Variants in TNNI3K observed in about 807,000 individuals in gnomAD.
TNNI3K encodes TNNI3 interacting kinase.
A neutral mutation model predicts 114.5 loss-of-function variants in TNNI3K; 140 were observed. That is an observed-to-expected ratio of 1.22 (90% confidence interval 1.07 to 1.41). The LOEUF (loss-of-function observed/expected upper bound fraction) is 1.41, where lower values mean the gene tolerates loss of function less well. Among genes scored for constraint, TNNI3K ranks in the 40% most tolerant of loss-of-function variants. TNNI3K has a pLI of 0.00. For missense variants in TNNI3K, 1,125 were observed against 1,007.6 expected, an observed-to-expected ratio of 1.12 and a Z score of -1.58; for synonymous variants, 347 against 347.5, an observed-to-expected ratio of 1.00 and a Z score of 0.02.
At chr1:74,436,613 T>G in intron 19 of TNNI3K, 87 bp downstream of exon 19, 1 of 1,362,072 alleles carries the variant, frequency 7.3e-7, no homozygotes, top group Non-Finnish European at 9.9e-7. Context: ...AGAGCAGTTT[T>G]AATTGGAAGA....
At chr1:74,441,748 AT>A (rs1365920061) in intron 20 of TNNI3K, among the ~76,000 whole-genome samples, 1 of 152,118 alleles carries the variant, frequency 6.6e-6, no homozygotes, top group African/African-American at 2.4e-5. Flanking sequence ...GACTAGAAAT[AT>A]TGACACTTTA....
intron 5 of TNNI3K, among the ~76,000 whole-genome samples, chr1:74,287,221 T>C (rs1657387879): frequency 6.6e-6 from 1 of 152,254 alleles, no homozygotes; most frequent in African/African-American, 2.4e-5. Flanking sequence ...GCACTTTTGG[T>C]ACATCAACAA....
intron 5 of TNNI3K, among the ~76,000 whole-genome samples, chr1:74,318,478 T>G (rs1402366977): frequency 6.6e-6 from 1 of 152,160 alleles, no homozygotes; most frequent in African/African-American, 2.4e-5. Flanking sequence ...CGAATTAGAT[T>G]TTAAGAATGG....
intron 2 of TNNI3K, among the ~76,000 whole-genome samples, chr1:74,248,233 G>A (rs1654708569): frequency 6.6e-6 from 1 of 152,040 alleles, no homozygotes; most frequent in South Asian, 2.1e-4. Context: ...CGCCCACCCA[G>A]AACTCACGCT....
intron 17 of TNNI3K, among the ~76,000 whole-genome samples, chr1:74,399,583 G>A (rs375449815): frequency 4.3e-4 from 66 of 152,202 alleles, no homozygotes; most frequent in African/African-American, 1.2e-3. Context: ...GCCGGGGGGC[G>A]GGCGGTGGAC....
chr1:74,280,482 G>A (rs1656948856), intron 5 of TNNI3K, among the ~76,000 whole-genome samples: 2 of 152,170 alleles, frequency 1.3e-5, no homozygotes, highest in South Asian at 4.1e-4. Context: ...CCCACTAGTG[G>A]CACAGCATGG....
intron 23 of TNNI3K, among the ~76,000 whole-genome samples, chr1:74,521,300 A>T (rs944680907): frequency 2.6e-5 from 4 of 152,114 alleles, no homozygotes; most frequent in African/African-American, 9.7e-5. Flanking sequence ...TTGCTTCCTA[A>T]TCTATAAAAC....
chr1:74,296,229 T>A (rs1657975243), intron 5 of TNNI3K, among the ~76,000 whole-genome samples: 1 of 150,624 alleles, frequency 6.6e-6, no homozygotes, highest in African/African-American at 2.5e-5. Context: ...TGAGCGGAGA[T>A]CGCGCCACTG....
Position 74,540,307 on chromosome 1 carries a change from A to T in TNNI3K, c.2425A>T (p.Lys809Ter). The T allele has an allele frequency of 1.2e-6, 2 of 1,611,224 alleles. No individual in the cohort carries two copies. Among genetic ancestry groups the T allele is most frequent in the Non-Finnish European group, 1.7e-6 (2 of 1,178,408 alleles). Residue 809 changes from lysine to a stop codon, truncating the protein, a stop_gained, in exon 24 of 25, where the codon AAA becomes TAA. Coordinates refer to ENST00000326637, the MANE Select transcript of TNNI3K (RefSeq NM_015978.3). LOFTEE classifies it high-confidence loss of function. ...KRSLQYTPID[K>*]YGYVSDPMSS... ...AAGTCTTCAATACACACCCATTGAC[A>T]AATATGGTAAGTAGGCAGATTCTTT...
intron 4 of TNNI3K, among the ~76,000 whole-genome samples, chr1:74,268,946 T>C (rs555499177): frequency 1.3e-5 from 2 of 152,094 alleles, no homozygotes; most frequent in African/African-American, 4.8e-5. Context: ...TGCAAGATTA[T>C]ACATCTTTGA....
intron 5 of TNNI3K, 77 bp downstream of exon 5, chr1:74,271,785 A>G (rs1656369035): frequency 8.0e-7 from 1 of 1,255,312 alleles, no homozygotes; most frequent in Non-Finnish European, 1.1e-6. Context: ...GTTTTGAAAT[A>G]CTGTCTTTGA....
intron 20 of TNNI3K, among the ~76,000 whole-genome samples, chr1:74,462,376 C>A (rs1667488529): frequency 6.6e-6 from 1 of 152,134 alleles, no homozygotes; most frequent in Non-Finnish European, 1.5e-5. Flanking sequence ...AAAAGACAGG[C>A]AGCAGCAATG....
intron 5 of TNNI3K, among the ~76,000 whole-genome samples, chr1:74,288,214 A>G (rs999472958): frequency 1.3e-5 from 2 of 152,134 alleles, no homozygotes; most frequent in Admixed American, 6.5e-5. Context: ...TTCTGGGTAT[A>G]TATTCAAAAG....
intron 17 of TNNI3K, among the ~76,000 whole-genome samples, chr1:74,392,048 C>T (rs1663814067): frequency 3.5e-5 from 5 of 144,482 alleles, no homozygotes; most frequent in Admixed American, 2.2e-4. Context: ...TCACTGCAAG[C>T]TCCGCCTCCC....
intron 4 of TNNI3K, among the ~76,000 whole-genome samples, chr1:74,251,705 A>G (rs1654938376): frequency 6.6e-6 from 1 of 152,162 alleles, no homozygotes; most frequent in African/African-American, 2.4e-5. Context: ...TTTTGCTTGT[A>G]TTAGGAACCC....
At chr1:74,255,071 C>G (rs988413208) in intron 4 of TNNI3K, among the ~76,000 whole-genome samples, 2 of 152,194 alleles carry the variant, frequency 1.3e-5, no homozygotes, top group African/African-American at 4.8e-5. Flanking sequence ...TGAACTTGTT[C>G]TTTAACTGTA....
intron 21 of TNNI3K, chr1:74,471,069 C>G (rs1037699299): frequency 2.5e-6 from 1 of 400,684 alleles, no homozygotes; most frequent in Non-Finnish European, 4.4e-6. Context: ...AATGTGAGTG[C>G]CTGTGCTCAG....
intron 7 of TNNI3K, among the ~76,000 whole-genome samples, chr1:74,340,947 T>C (rs984626456): frequency 1.3e-5 from 2 of 152,210 alleles, no homozygotes; most frequent in Non-Finnish European, 2.9e-5. Context: ...TTGTTTGTAA[T>C]AACAGCCTTG....
chr1:74,399,867 T>C (rs143371769), intron 17 of TNNI3K, among the ~76,000 whole-genome samples: 2 of 152,276 alleles, frequency 1.3e-5, no homozygotes, highest in East Asian at 3.9e-4. Flanking sequence ...CCTTCACCCC[T>C]CAGACCATAA....
Sources: allele counts gnomAD v4.1 joint callset (sites outside exome capture counted in the v4.1 genomes callset), GRCh38; gene constraint gnomAD v4.1.1; transcripts MANE v1.5; gene names NCBI Gene and HGNC (gene_info 2026-07-23, HGNC 2026-07-21).